The following CACNA2D3 variants were observed in gnomAD, a reference collection of about 807,000 sequenced individuals.
The protein encoded by CACNA2D3 is calcium voltage-gated channel auxiliary subunit alpha2delta 3, also known as voltage-dependent calcium channel subunit alpha-2/delta-3.
In CACNA2D3, 60 loss-of-function variants were observed where a neutral mutation model predicts 160.6. The ratio of observed to expected loss-of-function variants is 0.37; its 90% CI spans 0.30 to 0.46. The LOEUF is 0.46. Ranked by LOEUF, CACNA2D3 falls within the 20% of genes least tolerant of loss-of-function variation. The pLI is 1.00. For synonymous variants in CACNA2D3, 558 were observed against 492.9 expected, an observed-to-expected ratio of 1.13 and a Z score of -1.75; for missense variants, 1,205 against 1,365.0, an observed-to-expected ratio of 0.88 and a Z score of 1.85.
At chr3:54,476,161 A>G (rs1244964754) in intron 4 of CACNA2D3, among the ~76,000 whole-genome samples, 1 of 149,524 alleles carries the variant, frequency 6.7e-6, no homozygotes, top group Non-Finnish European at 1.5e-5. Flanking sequence ...GTGTTATCTC[A>G]AATGGTAGCA....
intron 3 of CACNA2D3, among the ~76,000 whole-genome samples, chr3:54,321,799 G>A (rs927930248): frequency 6.6e-6 from 1 of 151,890 alleles, no homozygotes; most frequent in African/African-American, 2.4e-5. Flanking sequence ...CAGTTCAGAG[G>A]CTCAGAAGCA....
intron 4 of CACNA2D3, among the ~76,000 whole-genome samples, chr3:54,446,238 A>T (rs1202704144): frequency 6.6e-6 from 1 of 152,230 alleles, no homozygotes; most frequent in South Asian, 2.1e-4. Context: ...CATATGTGAT[A>T]GAATCAGTGC....
At chr3:54,704,417 A>G (rs959859801) in intron 11 of CACNA2D3, among the ~76,000 whole-genome samples, 6 of 152,150 alleles carry the variant, frequency 3.9e-5, no homozygotes, top group African/African-American at 1.2e-4. Context: ...CTGGATCCCC[A>G]GTTCATACAT....
chr3:54,891,472 CA>C (rs765556424), intron 25 of CACNA2D3, 22 bp downstream of exon 25: 16 of 1,513,040 alleles, frequency 1.1e-5, no homozygotes, highest in Non-Finnish European at 1.5e-5. Flanking sequence ...GGATCCTCTA[CA>C]GGGGCCCAGG....
At chr3:54,819,848 A>AACACAC (rs150854721) in intron 14 of CACNA2D3, among the ~76,000 whole-genome samples, 1 of 151,484 alleles carries the variant, frequency 6.6e-6, no homozygotes, top group African/African-American at 2.4e-5. Flanking sequence ...CACCTCAAAA[A>AACACAC]ACACACACAC....
At chr3:54,234,720 G>T (rs1261751834) in intron 2 of CACNA2D3, among the ~76,000 whole-genome samples, 4 of 152,164 alleles carry the variant, frequency 2.6e-5, no homozygotes. Flanking sequence ...AACATGAGTG[G>T]AGCAGGAGGT....
intron 20 of CACNA2D3, among the ~76,000 whole-genome samples, chr3:54,879,960 C>G (rs1575527240): frequency 6.6e-6 from 1 of 152,146 alleles, no homozygotes; most frequent in African/African-American, 2.4e-5. Context: ...CTAAAGTTTC[C>G]CACTACTATT....
chr3:55,029,580 T>A (rs953475890), intron 35 of CACNA2D3, among the ~76,000 whole-genome samples: 1 of 152,018 alleles, frequency 6.6e-6, no homozygotes, highest in Non-Finnish European at 1.5e-5. Context: ...GAGGTTTTTT[T>A]TGCTCTGATG....
rs758470803 is a variant in CACNA2D3 at position 54,924,875 on chromosome 3, T to G, written c.2449+25007T>G. Reference sequence around the variant, plus strand: ...TCAGCTGAGGGAGGGAATGGAAAAGTCTGCTTTCCAGGGAAAGGAGTGAAT... The same window carrying G: ...TCAGCTGAGGGAGGGAATGGAAAAGGCTGCTTTCCAGGGAAAGGAGTGAAT... On this transcript the variant is annotated intron_variant, in intron 27 of 37. Coordinates refer to ENST00000474759, the MANE Select transcript of CACNA2D3 (RefSeq NM_018398.3). 6.2e-7 allele frequency: 1 copy of G among 1,613,798 alleles called. No individual in the cohort carries two copies. Among genetic ancestry groups the G allele is most frequent in the Non-Finnish European group, 8.5e-7 (1 of 1,179,768 alleles).
intron 2 of CACNA2D3, among the ~76,000 whole-genome samples, chr3:54,277,399 G>A (rs1158306908): frequency 1.3e-5 from 2 of 152,188 alleles, no homozygotes; most frequent in Non-Finnish European, 2.9e-5. Flanking sequence ...TTTCCCGATT[G>A]CTTGTTTTTG....
At chr3:54,243,767 C>A (rs1702017126) in intron 2 of CACNA2D3, among the ~76,000 whole-genome samples, 1 of 152,316 alleles carries the variant, frequency 6.6e-6, no homozygotes, top group Non-Finnish European at 1.5e-5. Flanking sequence ...GTGCTCTGAC[C>A]CAGCTCTGCC....
At chr3:54,346,624 G>A (rs557894764) in intron 3 of CACNA2D3, among the ~76,000 whole-genome samples, 4 of 152,040 alleles carry the variant, frequency 2.6e-5, no homozygotes, top group East Asian at 1.9e-4. Context: ...CCAGTTTCTC[G>A]CATTATTAAC....
chr3:54,717,315 T>C (rs181241405), intron 11 of CACNA2D3, among the ~76,000 whole-genome samples: 1 of 152,382 alleles, frequency 6.6e-6, no homozygotes, highest in African/African-American at 2.4e-5. Flanking sequence ...TGCACACTTG[T>C]GTATACATTT....
chr3:54,368,657 G>A (rs1360977947), intron 3 of CACNA2D3, among the ~76,000 whole-genome samples: 2 of 146,946 alleles, frequency 1.4e-5, no homozygotes, highest in African/African-American at 5.0e-5. Context: ...ATCAGCATAC[G>A]TGTCCTGCTC....
Position 54,910,466 on chromosome 3 carries a change from C to T in CACNA2D3, c.2449+10598C>T, listed in dbSNP as rs140533251. ...TCAGTAACTTCCATTGTTCTTTTGT[C>T]GTGGCCTATTAGCAGTGCTTCACCA... On this transcript the variant is annotated intron_variant, in intron 27 of 37. Coordinates refer to ENST00000474759, the MANE Select transcript of CACNA2D3 (RefSeq NM_018398.3). Among the ~76,000 whole-genome samples, 413 of 152,218 alleles carry T rather than the reference C, an allele frequency of 2.7e-3. 1 individual carries two copies. Among genetic ancestry groups the T allele is most frequent in the African/African-American group, 9.4e-3 (390 of 41,542 alleles).
chr3:54,989,621 A>G (rs1461289274), intron 31 of CACNA2D3, among the ~76,000 whole-genome samples: 16 of 152,200 alleles, frequency 1.1e-4, no homozygotes, highest in Admixed American at 1.0e-3. Flanking sequence ...GTTTCTCTAC[A>G]TGGAAAATGA....
At chr3:54,871,393 G>A (rs2106820859) in intron 17 of CACNA2D3, 146 bp from the exon 18 acceptor site, 2 of 582,972 alleles carry the variant, frequency 3.4e-6, no homozygotes, top group Middle Eastern at 2.6e-4. Flanking sequence ...AAGTCCCTAG[G>A]ACTGTCACCC....
chr3:54,795,465 C>T (rs1702849300), intron 13 of CACNA2D3, among the ~76,000 whole-genome samples: 1 of 152,080 alleles, frequency 6.6e-6, no homozygotes, highest in Non-Finnish European at 1.5e-5. Flanking sequence ...AGCATAATGA[C>T]ATTGTGATGG....
At chr3:54,829,528 G>A (rs1477005236) in intron 14 of CACNA2D3, among the ~76,000 whole-genome samples, 3 of 152,194 alleles carry the variant, frequency 2.0e-5, no homozygotes, top group Admixed American at 6.5e-5. Context: ...CCAGATGTAC[G>A]TCTCCCTGCT....
Sources: gnomAD v4.1 joint callset for allele counts (sites outside exome capture counted in the v4.1 genomes callset) on GRCh38, gnomAD v4.1.1 for gene constraint, MANE v1.5 for transcripts, NCBI Gene and HGNC (gene_info 2026-07-23, HGNC 2026-07-21) for gene names.